The following SLC35F4 variants were observed in gnomAD, a reference collection of about 807,000 sequenced individuals.
The protein encoded by SLC35F4 is chromosome 14 open reading frame 36.
SLC35F4 carries 24 observed loss-of-function variants against 44.2 expected under a neutral mutation model. The observed-to-expected ratio is 0.54, with a 90% CI of 0.39 to 0.76. The LOEUF (loss-of-function observed/expected upper bound fraction) is 0.76, where lower values mean the gene tolerates loss of function less well. Ranked by LOEUF, SLC35F4 falls within the 30% of genes least tolerant of loss-of-function variation. SLC35F4 has a pLI of 0.00. For synonymous variants in SLC35F4, 238 were observed against 223.6 expected (o/e 1.06, Z -0.57); for missense variants, 562 against 586.1 (o/e 0.96, Z 0.42).
At chr14:57,575,223 A>C (rs2068719462) in intron 4 of SLC35F4, among the ~76,000 whole-genome samples, 1 of 152,192 alleles carries the variant, frequency 6.6e-6, no homozygotes, top group Non-Finnish European at 1.5e-5. Flanking sequence ...CACGCCTGTA[A>C]TTCCAGCACT....
intron 1 of SLC35F4, among the ~76,000 whole-genome samples, chr14:57,860,911 C>T (rs767615192): frequency 6.6e-6 from 1 of 152,112 alleles, no homozygotes; most frequent in Non-Finnish European, 1.5e-5. Flanking sequence ...TTTATTAATA[C>T]AACTCTTTTG....
chr14:57,862,553 C>T (rs563300991), intron 1 of SLC35F4, among the ~76,000 whole-genome samples: 1 of 152,352 alleles, frequency 6.6e-6, no homozygotes, highest in Admixed American at 6.5e-5. Flanking sequence ...TCCACTTCAG[C>T]CATACAGGCC....
At chr14:57,880,572 C>G (rs972144975) in intron 1 of SLC35F4, among the ~76,000 whole-genome samples, 12 of 152,286 alleles carry the variant, frequency 7.9e-5, no homozygotes, top group African/African-American at 2.9e-4. Flanking sequence ...TAAATCTAGA[C>G]ATTGATGTCT....
intron 1 of SLC35F4, among the ~76,000 whole-genome samples, chr14:57,662,125 G>A (rs780025887): frequency 2.0e-5 from 3 of 152,144 alleles, no homozygotes; most frequent in Non-Finnish European, 4.4e-5. Flanking sequence ...AACTCCAAAT[G>A]CATTCTTTGA....
intron 1 of SLC35F4, among the ~76,000 whole-genome samples, chr14:57,892,385 A>G (rs544242096): frequency 1.3e-5 from 2 of 152,304 alleles, no homozygotes; most frequent in Admixed American, 6.5e-5. Context: ...GTCTCCCAAA[A>G]GACTCCAGGA....
intron 1 of SLC35F4, among the ~76,000 whole-genome samples, chr14:57,769,151 T>C (rs1290987634): frequency 6.6e-6 from 1 of 152,118 alleles, no homozygotes; most frequent in Non-Finnish European, 1.5e-5. Context: ...GCAACCCTAC[T>C]AAGAACAATG....
chr14:57,717,179 A>T (rs2075966534), intron 1 of SLC35F4, among the ~76,000 whole-genome samples: 1 of 152,206 alleles, frequency 6.6e-6, no homozygotes, highest in Non-Finnish European at 1.5e-5. Context: ...GAGTGCAGAA[A>T]TGTCTTTGAC....
chr14:57,771,662 C>T (rs531689107), intron 1 of SLC35F4, among the ~76,000 whole-genome samples: 14 of 152,178 alleles, frequency 9.2e-5, no homozygotes, highest in Non-Finnish European at 1.9e-4. Flanking sequence ...GGTGTGATCA[C>T]AGCTCACTGC....
chr14:57,622,680 G>A (rs2072251967), intron 1 of SLC35F4, among the ~76,000 whole-genome samples: 1 of 152,048 alleles, frequency 6.6e-6, no homozygotes, highest in South Asian at 2.1e-4. Flanking sequence ...GGGGTTGGGG[G>A]AGTGGGGAGG....
chr14:57,834,785 C>T (rs529353458), intron 1 of SLC35F4, among the ~76,000 whole-genome samples: 71 of 152,236 alleles, frequency 4.7e-4, no homozygotes, highest in Admixed American at 1.1e-3. Context: ...TTTAGGAGGC[C>T]GAGGTAGGCG....
intron 1 of SLC35F4, among the ~76,000 whole-genome samples, chr14:57,656,835 C>A (rs2073987477): frequency 6.6e-6 from 1 of 152,188 alleles, no homozygotes; most frequent in Non-Finnish European, 1.5e-5. Flanking sequence ...TCAATTCCCC[C>A]AACAAGAATT....
chr14:57,948,447 C>T (rs1274654958), intron 1 of SLC35F4, among the ~76,000 whole-genome samples: 5 of 152,012 alleles, frequency 3.3e-5, no homozygotes, highest in South Asian at 4.1e-4. Context: ...ATCTCACTAA[C>T]GGTCTATCAA....
chr14:57,873,291 G>A (rs1888332635), intron 1 of SLC35F4, among the ~76,000 whole-genome samples: 1 of 152,030 alleles, frequency 6.6e-6, no homozygotes, highest in Non-Finnish European at 1.5e-5. Flanking sequence ...GTCCTCTTCT[G>A]AACGCCAAGG....
At chr14:57,735,621 G>A (rs970541832) in intron 1 of SLC35F4, among the ~76,000 whole-genome samples, 1 of 152,090 alleles carries the variant, frequency 6.6e-6, no homozygotes, top group Admixed American at 6.6e-5. Flanking sequence ...AAAGTAAAAA[G>A]TACAATGTTC....
At chr14:57,675,771 T>A (rs1005223983) in intron 1 of SLC35F4, among the ~76,000 whole-genome samples, 1 of 152,114 alleles carries the variant, frequency 6.6e-6, no homozygotes, top group Non-Finnish European at 1.5e-5. Context: ...ATTGAGATGA[T>A]CATATGGTTT....
chr14:57,886,842 G>A (rs571250573), intron 1 of SLC35F4, among the ~76,000 whole-genome samples: 1 of 152,262 alleles, frequency 6.6e-6, no homozygotes, highest in African/African-American at 2.4e-5. Flanking sequence ...AAAATAAGGA[G>A]TACATTTGGA....
chr14:57,907,648 T>C (rs1889128469), intron 1 of SLC35F4, among the ~76,000 whole-genome samples: 1 of 152,138 alleles, frequency 6.6e-6, no homozygotes, highest in African/African-American at 2.4e-5. Flanking sequence ...AACAGTTCTT[T>C]TGTATACATC....
intron 1 of SLC35F4, among the ~76,000 whole-genome samples, chr14:57,723,648 C>A (rs1033896454): frequency 6.6e-6 from 1 of 152,246 alleles, no homozygotes; most frequent in African/African-American, 2.4e-5. Flanking sequence ...TTCTCCATTC[C>A]TGTCCATAAG....
At chr14:57,630,769 G>A in intron 1 of SLC35F4, 2 of 490,962 alleles carry the variant, frequency 4.1e-6, no homozygotes, top group Non-Finnish European at 6.9e-6. Context: ...CAGGAATACA[G>A]TGTTGCAATG....
Sources: allele counts gnomAD v4.1 joint callset (sites outside exome capture counted in the v4.1 genomes callset), GRCh38; gene constraint gnomAD v4.1.1; transcripts MANE v1.5; gene names NCBI Gene and HGNC (gene_info 2026-07-23, HGNC 2026-07-21).